Variants in CPED1 observed in about 807,000 individuals in gnomAD.
CPED1 encodes the protein cadherin-like and PC-esterase domain-containing protein 1.
Under a neutral mutation model 128.2 loss-of-function variants are expected in CPED1, and 114 were observed. The observed-to-expected ratio is 0.89, with a 90% CI of 0.76 to 1.04. The LOEUF (loss-of-function observed/expected upper bound fraction) is 1.04. Among genes scored for constraint, CPED1 ranks in the 50% least tolerant of loss-of-function variants. CPED1 has a pLI of 0.00. For missense variants in CPED1, 1,211 were observed against 1,207.1 expected (o/e 1.00, Z -0.05); for synonymous variants, 462 against 426.7 (o/e 1.08, Z -1.02).
chr7:121,246,220 A>G (rs1048259980), intron 18 of CPED1, among the ~76,000 whole-genome samples: 4 of 152,212 alleles, frequency 2.6e-5, no homozygotes, highest in Non-Finnish European at 5.9e-5. Context: ...ACTAAATCCT[A>G]CGGTTTTGGA....
intron 11 of CPED1, among the ~76,000 whole-genome samples, chr7:121,129,325 A>ATG (rs1795603629): frequency 1.5e-5 from 2 of 133,798 alleles, no homozygotes; most frequent in African/African-American, 5.5e-5. Context: ...ATATATATAT[A>ATG]TATATATATA....
intron 2 of CPED1, among the ~76,000 whole-genome samples, chr7:121,009,423 G>A (rs1037181295): frequency 1.3e-5 from 2 of 151,924 alleles, no homozygotes; most frequent in African/African-American, 4.8e-5. Context: ...TGGCAAGGTG[G>A]TAAAAGCCCC....
intron 2 of CPED1, among the ~76,000 whole-genome samples, chr7:121,000,333 G>C (rs1791812129): frequency 6.6e-6 from 1 of 152,126 alleles, no homozygotes; most frequent in African/African-American, 2.4e-5. Flanking sequence ...TGTTCAAAAT[G>C]TAACATTAAG....
In CPED1 at chr7:121,266,704, C is replaced by G; in HGVS notation, c.2532-3C>G. 1 of 1,610,298 alleles carries G rather than the reference C, an allele frequency of 6.2e-7. No homozygotes were observed. Among genetic ancestry groups the G allele is most frequent in the Non-Finnish European group, 8.5e-7 (1 of 1,177,152 alleles). On this transcript the variant is annotated splice_polypyrimidine_tract_variant and splice_region_variant and intron_variant, in intron 19 of 22. Coordinates refer to ENST00000310396, the MANE Select transcript of CPED1 (RefSeq NM_024913.5). ...ATGTGTTGTTTTTCTTTCTGAATTT[C>G]AGATCACGTCCCCTAGAGAATACTG...
At chr7:121,072,479 A>G (rs927423284) in intron 5 of CPED1, among the ~76,000 whole-genome samples, 1 of 152,170 alleles carries the variant, frequency 6.6e-6, no homozygotes, top group African/African-American at 2.4e-5. Flanking sequence ...GATGTTAACT[A>G]AATTTTAGTT....
At chr7:121,038,503 C>T (rs1312358751) in intron 3 of CPED1, among the ~76,000 whole-genome samples, 1 of 152,082 alleles carries the variant, frequency 6.6e-6, no homozygotes, top group Non-Finnish European at 1.5e-5. Context: ...ACTTTGGTGA[C>T]ATGTATAATT....
chr7:121,148,709 G>A (rs541964989), intron 16 of CPED1, among the ~76,000 whole-genome samples: 1 of 152,228 alleles, frequency 6.6e-6, no homozygotes, highest in Middle Eastern at 3.4e-3. Flanking sequence ...AGTGAACTGG[G>A]CTGCCCCATA....
At chr7:120,997,923 G>GAAAAA (rs1252282559) in intron 2 of CPED1, among the ~76,000 whole-genome samples, 3 of 114,014 alleles carry the variant, frequency 2.6e-5, no homozygotes, top group Non-Finnish European at 5.1e-5. Context: ...ACTCGGTCTC[G>GAAAAA]AAAAAAAATA....
intron 18 of CPED1, among the ~76,000 whole-genome samples, chr7:121,252,051 T>C (rs1305961009): frequency 1.3e-5 from 2 of 151,502 alleles, no homozygotes; most frequent in Non-Finnish European, 2.9e-5. Context: ...TCACGCTACC[T>C]GACTTCAAAC....
Position 121,181,759 on chromosome 7 carries a change from T to C in CPED1, c.2055+39618T>C, listed in dbSNP as rs1388690329. On this transcript the variant is annotated intron_variant, in intron 16 of 22. Coordinates refer to ENST00000310396, the MANE Select transcript of CPED1 (RefSeq NM_024913.5). ...AGAAAGGTTCAATTATTAAGTTCCT[T>C]TTACAAATAAGAAAAATAAAACAAC... Among the ~76,000 whole-genome samples, 3 of 152,246 alleles carry C rather than the reference T, an allele frequency of 2.0e-5. No individual in the cohort carries two copies. The South Asian group carries it at 6.2e-4, about 32-fold the overall frequency.
chr7:121,164,299 T>C (rs192935781), intron 16 of CPED1, among the ~76,000 whole-genome samples: 83 of 152,306 alleles, frequency 5.4e-4, no homozygotes, highest in Non-Finnish European at 5.9e-5. Context: ...ACTTCTTAAG[T>C]TTCATCTAGG....
intron 16 of CPED1, among the ~76,000 whole-genome samples, chr7:121,145,911 G>T (rs945448721): frequency 1.3e-5 from 2 of 151,632 alleles, no homozygotes; most frequent in African/African-American, 4.8e-5. Context: ...AGCCTATGCA[G>T]GCAAATCTAA....
intron 16 of CPED1, among the ~76,000 whole-genome samples, chr7:121,231,273 G>T (rs770524284): frequency 6.6e-6 from 1 of 152,068 alleles, no homozygotes; most frequent in African/African-American, 2.4e-5. Flanking sequence ...TTCACAGATG[G>T]AAGAAGATTT....
At chr7:121,193,267 TAAAAG>T (rs762018101) in intron 16 of CPED1, among the ~76,000 whole-genome samples, 77 of 152,208 alleles carry the variant, frequency 5.1e-4, no homozygotes, top group African/African-American at 8.9e-4. Context: ...ATGAAAAAAT[TAAAAG>T]AGAAGAAACC....
intron 7 of CPED1, among the ~76,000 whole-genome samples, chr7:121,120,121 A>C (rs991930170): frequency 6.6e-6 from 1 of 152,188 alleles, no homozygotes; most frequent in Non-Finnish European, 1.5e-5. Flanking sequence ...GGGTGTGTAA[A>C]TATGTCTTTG....
chr7:121,228,904 C>T (rs937954788), intron 16 of CPED1, among the ~76,000 whole-genome samples: 1 of 151,986 alleles, frequency 6.6e-6, no homozygotes, highest in Non-Finnish European at 1.5e-5. Context: ...TACATGTTCT[C>T]ACTTACATGT....
chr7:121,238,186 T>C (rs754843129), intron 17 of CPED1, among the ~76,000 whole-genome samples: 1 of 152,178 alleles, frequency 6.6e-6, no homozygotes. Flanking sequence ...CTGGACATTG[T>C]GGGTGAGGCC....
intron 18 of CPED1, among the ~76,000 whole-genome samples, chr7:121,249,644 A>C (rs538166297): frequency 2.0e-5 from 3 of 152,328 alleles, no homozygotes; most frequent in African/African-American, 7.2e-5. Flanking sequence ...ATTTGTTTCA[A>C]ATAGACCACC....
chr7:121,281,289 C>A (rs958343426), intron 22 of CPED1, among the ~76,000 whole-genome samples: 1 of 152,122 alleles, frequency 6.6e-6, no homozygotes, highest in African/African-American at 2.4e-5. Context: ...GCAATACACA[C>A]GTTCTGATGA....
Sources: gnomAD v4.1 joint callset for allele counts (sites outside exome capture counted in the v4.1 genomes callset) on GRCh38, gnomAD v4.1.1 for gene constraint, MANE v1.5 for transcripts, NCBI Gene and HGNC (gene_info 2026-07-23, HGNC 2026-07-21) for gene names.